MRTFB: variants seen among roughly 807,000 people sequenced by gnomAD.
The protein encoded by MRTFB is myocardin related transcription factor B.
Under a neutral mutation model 104.2 loss-of-function variants are expected in MRTFB, and 29 were observed. That is an observed-to-expected ratio of 0.28 (90% CI 0.21 to 0.38). The LOEUF is 0.38. MRTFB is among the 10% of genes least tolerant of loss of function. The pLI, the probability that MRTFB is intolerant of heterozygous loss-of-function variation, is 1.00. For missense variants in MRTFB, 1,270 were observed against 1,341.6 expected (o/e 0.95, Z 0.83); for synonymous variants, 535 against 519.5 (o/e 1.03, Z -0.41).
chr16:14,169,058 A>G (rs1018482033), intron 3 of MRTFB, among the ~76,000 whole-genome samples: 1 of 152,186 alleles, frequency 6.6e-6, no homozygotes, highest in Non-Finnish European at 1.5e-5. Flanking sequence ...TTTTAAATAT[A>G]TAGGAAGTTA....
chr16:14,060,835 A>G, the MRTFB span, among the ~76,000 whole-genome samples: 5 of 152,080 alleles, frequency 3.3e-5, no homozygotes, highest in African/African-American at 1.2e-4. Flanking sequence ...ACAGCCATCA[A>G]CCAGGAGCTG....
chr16:14,029,118 G>A, the MRTFB span, among the ~76,000 whole-genome samples: 3 of 151,766 alleles, frequency 2.0e-5, no homozygotes, highest in African/African-American at 7.3e-5. Flanking sequence ...AACATAACAA[G>A]ACCCTCGTTT....
chr16:14,013,483 A>G, the MRTFB span: 1 of 152,222 alleles, frequency 6.6e-6, no homozygotes, highest in South Asian at 2.1e-4. Context: ...AGAGGGGAAA[A>G]CATTGTAAAT....
Position 14,247,279 on chromosome 16 carries a change from T to A in MRTFB, c.2019T>A (p.Val673=). The change falls in exon 12 of 17, where the codon GTT becomes GTA. Residue 673 remains valine (V), a synonymous_variant. Coordinates refer to ENST00000571589, the MANE Select transcript of MRTFB (RefSeq NM_001308142.2). ...QPVSTGGQTL[V]AKKAVVIKQE... ...TCTCTACAGGTGGCCAGACCCTTGT[T>A]GCCAAAAAGGCTGTAGTTATCAAGC... 3 of 1,614,220 alleles carry A rather than the reference T, an allele frequency of 1.9e-6. No homozygotes were observed. The highest frequency in any genetic ancestry group is 2.5e-6 in the Non-Finnish European group (3 of 1,180,034).
At chr16:14,093,284 ATTAC>A (rs1485462258) in intron 2 of MRTFB, among the ~76,000 whole-genome samples, 2 of 151,676 alleles carry the variant, frequency 1.3e-5, no homozygotes, top group East Asian at 3.8e-4. Flanking sequence ...ATACAATTGT[ATTAC>A]TTTTATAGGC....
intron 9 of MRTFB, among the ~76,000 whole-genome samples, chr16:14,237,398 T>C (rs1374256281): frequency 6.6e-6 from 1 of 151,434 alleles, no homozygotes; most frequent in African/African-American, 2.5e-5. Context: ...CAAAGGCTGC[T>C]GTGCCTCAGT....
chr16:14,013,424 C>G, the MRTFB span: 1 of 152,214 alleles, frequency 6.6e-6, no homozygotes, highest in South Asian at 2.1e-4. Flanking sequence ...GTCACCAGCT[C>G]TTGGGCATTT....
At chr16:13,994,902 G>A in the MRTFB span, among the ~76,000 whole-genome samples, 2 of 152,194 alleles carry the variant, frequency 1.3e-5, no homozygotes, top group Non-Finnish European at 2.9e-5. Context: ...AAGGGATTCT[G>A]TAGTTCAAAG....
the MRTFB span, chr16:14,020,560 G>A: frequency 6.6e-5 from 10 of 152,250 alleles, no homozygotes; most frequent in African/African-American, 2.4e-4. Context: ...AGGTGGTCAC[G>A]GAAGGCCTTT....
chr16:14,049,299 A>G, the MRTFB span, among the ~76,000 whole-genome samples: 1 of 152,276 alleles, frequency 6.6e-6, no homozygotes, highest in Admixed American at 6.5e-5. Flanking sequence ...AACATTAAAG[A>G]AATCATGTAT....
At chr16:14,174,324 G>A (rs1039683345) in intron 3 of MRTFB, among the ~76,000 whole-genome samples, 5 of 152,104 alleles carry the variant, frequency 3.3e-5, no homozygotes, top group African/African-American at 4.8e-5. Context: ...TGGTTGCTGT[G>A]TGTTGTTTTG....
In MRTFB at chr16:14,245,739, A is replaced by T. The variant is rs527505615; in HGVS notation, c.1212+79A>T. The T allele has an allele frequency of 6.1e-6, 9 of 1,480,148 alleles. No individual in the cohort carries two copies. The East Asian group carries it at 7.0e-5, about 11-fold the overall frequency. 91.7% of individuals were successfully genotyped at this position (1,480,148 alleles called of 1,614,324 possible). ...GATTTGCCAGCGTTGTCTAGCAGACATTAAGTAGTTTTCAGTAGACATTCA... is the reference window on the plus strand; with the variant it reads ...GATTTGCCAGCGTTGTCTAGCAGACTTTAAGTAGTTTTCAGTAGACATTCA... On this transcript the variant is annotated intron_variant, in intron 11 of 16. Transcript: ENST00000571589.
At chr16:14,089,559 T>C (rs1481764530) in intron 2 of MRTFB, among the ~76,000 whole-genome samples, 2 of 152,220 alleles carry the variant, frequency 1.3e-5, no homozygotes. Flanking sequence ...TTCCACTTTT[T>C]GGTTATTATG....
At chr16:14,002,266 C>T in the MRTFB span, among the ~76,000 whole-genome samples, 19 of 152,132 alleles carry the variant, frequency 1.2e-4, no homozygotes, top group African/African-American at 4.6e-4. Context: ...GCCTGTAATC[C>T]CAGCTACTTG....
Position 14,237,272 on chromosome 16 carries a change from A to C in MRTFB, c.832-2965A>C, listed in dbSNP as rs190417883. On this transcript the variant is annotated intron_variant, in intron 9 of 16. Coordinates refer to ENST00000571589, the MANE Select transcript of MRTFB (RefSeq NM_001308142.2). ...AAGTGAGTTCTTGGGAACCTCCAAC[A>C]TTTTAGAGAGGAGAACCAGCAAAGG... Among the ~76,000 whole-genome samples the C allele has an allele frequency of 1.4e-3, 209 of 152,314 alleles. 2 individuals carry two copies. Among genetic ancestry groups the C allele is most frequent in the Non-Finnish European group, 1.3e-4 (9 of 68,028 alleles).
At chr16:14,028,223 A>ACAAAACAAAACAAAACAAAC in the MRTFB span, among the ~76,000 whole-genome samples, 6 of 152,016 alleles carry the variant, frequency 3.9e-5, no homozygotes, top group South Asian at 4.2e-4. Flanking sequence ...ACAAAACAAA[A>ACAAAACAAAACAAAACAAAC]CAAACCAAGT....
intron 3 of MRTFB, among the ~76,000 whole-genome samples, chr16:14,194,314 G>A (rs746035628): frequency 2.0e-5 from 3 of 152,336 alleles, no homozygotes; most frequent in Middle Eastern, 3.4e-3. Flanking sequence ...GTCTCTTCCA[G>A]GCTTGTAGCC....
intron 3 of MRTFB, among the ~76,000 whole-genome samples, chr16:14,149,996 T>C (rs2038533186): frequency 6.6e-6 from 1 of 152,166 alleles, no homozygotes; most frequent in Non-Finnish European, 1.5e-5. Context: ...ATAAAGCATC[T>C]AAAGTGACTA....
the MRTFB span, among the ~76,000 whole-genome samples, chr16:14,044,795 T>A: frequency 1.4e-4 from 22 of 152,282 alleles, no homozygotes; most frequent in Admixed American, 1.3e-4. Context: ...GCATTCGGGA[T>A]ATATAGAAGA....
Sources: gnomAD v4.1 joint callset for allele counts (sites outside exome capture counted in the v4.1 genomes callset) on GRCh38, gnomAD v4.1.1 for gene constraint, MANE v1.5 for transcripts, NCBI Gene and HGNC (gene_info 2026-07-23, HGNC 2026-07-21) for gene names.